Variants in PACRG observed in about 807,000 individuals in gnomAD.
PACRG encodes parkin coregulated gene protein.
Under a neutral mutation model 29.7 loss-of-function variants are expected in PACRG, and 29 were observed. The ratio of observed to expected loss-of-function variants is 0.98; its 90% CI spans 0.73 to 1.33. The LOEUF (loss-of-function observed/expected upper bound fraction) is 1.33. PACRG is among the 40% of genes most tolerant of loss of function. The pLI is 0.00. For missense variants in PACRG, 279 were observed against 316.2 expected (o/e 0.88, Z 0.89); for synonymous variants, 116 against 118.7 (o/e 0.98, Z 0.15).
In PACRG at chr6:163,177,716, T is replaced by A. The variant is rs1779445870; in HGVS notation, c.613+88308T>A. Among the ~76,000 whole-genome samples, 4 of 126,678 alleles carry A rather than the reference T, an allele frequency of 3.2e-5. No individual in the cohort carries two copies. The South Asian group carries it at 1.1e-3, about 36-fold the overall frequency. 83.1% of individuals were successfully genotyped at this position (126,678 alleles called of 152,430 possible). ...CTAAGAAATTAGAAAAGGGATTTTT[T>A]TTTTTTTTTTTTTTTTTTTTTGCGG... On this transcript the variant is annotated intron_variant, in intron 4 of 4. Coordinates refer to ENST00000366888, the MANE Select transcript of PACRG (RefSeq NM_001080379.2).
intron 2 of PACRG, among the ~76,000 whole-genome samples, chr6:162,820,572 G>A (rs755736567): frequency 9.9e-5 from 15 of 152,118 alleles, no homozygotes; most frequent in Non-Finnish European, 2.1e-4. Flanking sequence ...ATATTCACAA[G>A]ATTCCGTAAT....
chr6:162,727,708 C>T (rs561919613), upstream of PACRG: 27 of 1,558,754 alleles, frequency 1.7e-5, no homozygotes, highest in South Asian at 2.9e-4. Flanking sequence ...AGGAACAGGC[C>T]CATGCGCGCA....
At chr6:162,763,776 A>G (rs1361779743) in intron 1 of PACRG, among the ~76,000 whole-genome samples, 9 of 152,234 alleles carry the variant, frequency 5.9e-5, no homozygotes, top group Admixed American at 5.9e-4. Flanking sequence ...TATTAAAAGT[A>G]CAGCGTTGTT....
At chr6:163,180,333 C>T (rs1421688917) in intron 4 of PACRG, among the ~76,000 whole-genome samples, 1 of 152,166 alleles carries the variant, frequency 6.6e-6, no homozygotes, top group Non-Finnish European at 1.5e-5. Flanking sequence ...TAAAATATCA[C>T]GAAGCCTTCA....
At chr6:162,765,042 C>G (rs1782675342) in intron 1 of PACRG, among the ~76,000 whole-genome samples, 1 of 152,078 alleles carries the variant, frequency 6.6e-6, no homozygotes, top group Non-Finnish European at 1.5e-5. Context: ...CCGTGCCCGG[C>G]CTGGAAACCA....
intron 2 of PACRG, among the ~76,000 whole-genome samples, chr6:162,961,671 G>A (rs1800628577): frequency 6.6e-6 from 1 of 152,044 alleles, no homozygotes; most frequent in South Asian, 2.1e-4. Context: ...CAGTCACTTA[G>A]GACTGGAATC....
At chr6:163,057,500 G>A (rs896421231) in intron 2 of PACRG, among the ~76,000 whole-genome samples, 2 of 152,010 alleles carry the variant, frequency 1.3e-5, no homozygotes, top group African/African-American at 4.8e-5. Context: ...ACTACAGCCT[G>A]GACCTCCTGA....
At chr6:163,304,040 T>TAAAAAAAAAAAA (rs1554245110) in intron 4 of PACRG, among the ~76,000 whole-genome samples, 8 of 111,960 alleles carry the variant, frequency 7.1e-5, no homozygotes, top group African/African-American at 1.6e-4. Flanking sequence ...AAAAAAAAAG[T>TAAAAAAAAAAAA]AAATGGGATA....
At chr6:162,826,530 C>G (rs13210574) in intron 2 of PACRG, among the ~76,000 whole-genome samples, 15,287 of 148,442 alleles carry the variant, frequency 0.1, 919 homozygotes, top group Middle Eastern at 0.17. Context: ...ATGGTGCAAT[C>G]TCGGCTCATC....
At position 162,952,997 on chromosome 6, in the gene PACRG, C is replaced by T. The variant is rs141808496; in HGVS notation, c.292-109153C>T. Among the ~76,000 whole-genome samples, 717 of 152,226 alleles carry T rather than the reference C, an allele frequency of 4.7e-3. 10 individuals are homozygous for T. Among genetic ancestry groups the T allele is most frequent in the African/African-American group, 0.017 (689 of 41,542 alleles). On this transcript the variant is annotated intron_variant, in intron 2 of 4. Transcript: ENST00000366888. ...CAAATATATAAAAAAATCTCCATGG[C>T]TGTAGTCTGTGTACATTCTTTGGCG...
chr6:163,277,247 C>T (rs1370096780), intron 4 of PACRG, among the ~76,000 whole-genome samples: 8 of 151,956 alleles, frequency 5.3e-5, no homozygotes, highest in Non-Finnish European at 1.0e-4. Context: ...TCTTGTATCC[C>T]TCACCACCAC....
intron 2 of PACRG, among the ~76,000 whole-genome samples, chr6:163,011,778 A>G (rs1805641104): frequency 1.3e-5 from 2 of 152,208 alleles, no homozygotes; most frequent in Non-Finnish European, 1.5e-5. Flanking sequence ...TTATTCTATA[A>G]GCTCTTTATT....
At chr6:162,768,590 T>C (rs1782977084) in intron 1 of PACRG, among the ~76,000 whole-genome samples, 1 of 152,148 alleles carries the variant, frequency 6.6e-6, no homozygotes, top group African/African-American at 2.4e-5. Flanking sequence ...CTAGATATTT[T>C]ATATTTTAAT....
chr6:163,074,998 G>C (rs929579402), intron 3 of PACRG, among the ~76,000 whole-genome samples: 1 of 151,204 alleles, frequency 6.6e-6, no homozygotes, highest in African/African-American at 2.4e-5. Flanking sequence ...GTCTCAAAAA[G>C]TATATATATA....
At chr6:163,103,883 C>A (rs1024678646) in intron 4 of PACRG, among the ~76,000 whole-genome samples, 1 of 152,110 alleles carries the variant, frequency 6.6e-6, no homozygotes, top group Admixed American at 6.5e-5. Flanking sequence ...ATGACTTGCC[C>A]AAGGTCACAG....
Position 163,062,254 on chromosome 6 carries a change from C to T in PACRG, c.396C>T (p.His132=), listed in dbSNP as rs753948730. ...AGTTTTTTGCTCGGCAAGGAATCCA[C>T]GACATGCTGGAACACGGTGGGAACA... is the stretch of plus-strand genomic sequence containing the variant. ...PYEFFARQGI[H]DMLEHGGNKI... is the part of the protein sequence containing the mutation. The change falls in exon 3 of 5, where the codon CAC becomes CAT. Residue 132 remains histidine (H), a synonymous_variant. Transcript: ENST00000366888. 2.8e-5 allele frequency: 46 copies of T among 1,614,140 alleles called. No homozygotes were observed. Among genetic ancestry groups the T allele is most frequent in the Non-Finnish European group, 3.5e-5 (41 of 1,180,026 alleles).
intron 4 of PACRG, among the ~76,000 whole-genome samples, chr6:163,099,785 G>A (rs1814920953): frequency 6.6e-6 from 1 of 152,202 alleles, no homozygotes; most frequent in African/African-American, 2.4e-5. Context: ...AGCTTGACTG[G>A]ATGGAGGAGC....
intron 4 of PACRG, among the ~76,000 whole-genome samples, chr6:163,247,122 C>T (rs1782727778): frequency 6.6e-6 from 1 of 152,198 alleles, no homozygotes; most frequent in Admixed American, 6.5e-5. Flanking sequence ...GGTATCCTTA[C>T]TTGAACCAAG....
At chr6:162,925,334 C>A (rs1797354514) in intron 2 of PACRG, among the ~76,000 whole-genome samples, 1 of 152,004 alleles carries the variant, frequency 6.6e-6, no homozygotes, top group South Asian at 2.1e-4. Context: ...ATCATCCTGA[C>A]ATAAAACCCT....
Sources: gnomAD v4.1 joint callset for allele counts (sites outside exome capture counted in the v4.1 genomes callset) on GRCh38, gnomAD v4.1.1 for gene constraint, MANE v1.5 for transcripts, NCBI Gene and HGNC (gene_info 2026-07-23, HGNC 2026-07-21) for gene names.